Variants in EWSR1 observed in about 807,000 individuals in gnomAD.
The protein encoded by EWSR1 is RNA-binding protein EWS.
Under a neutral mutation model 92.1 loss-of-function variants are expected in EWSR1, and 14 were observed. That is an observed-to-expected ratio of 0.15 (90% CI 0.10 to 0.24). EWSR1 has a LOEUF of 0.24. EWSR1 is among the 10% of genes least tolerant of loss of function. The probability of loss-of-function intolerance (pLI) is 1.00; values close to 1 mark genes in which losing one functional copy is unlikely to be tolerated. For missense variants in EWSR1, 637 were observed against 870.9 expected (o/e 0.73, Z 3.38); for synonymous variants, 303 against 292.9 (o/e 1.03, Z -0.35).
At chr22:29,299,416 C>T (rs1212714825) in intron 15 of EWSR1, 85 bp downstream of exon 15, 4 of 1,536,236 alleles carry the variant, frequency 2.6e-6, no homozygotes, top group South Asian at 1.2e-5. Context: ...ACTGCAGTTG[C>T]CCTCTGCTTA....
chr22:29,293,971 G>A (rs1006384930), intron 11 of EWSR1, among the ~76,000 whole-genome samples: 11 of 151,556 alleles, frequency 7.3e-5, no homozygotes, highest in Non-Finnish European at 4.4e-5. Context: ...TCTGCCTCCC[G>A]GGTCTCCTTG....
chr22:29,271,303 T>G (rs1315128570), intron 1 of EWSR1, among the ~76,000 whole-genome samples: 1 of 152,254 alleles, frequency 6.6e-6, no homozygotes, highest in East Asian at 1.9e-4. Flanking sequence ...TATCTAACTT[T>G]AATGCAGTAG....
intron 14 of EWSR1, 57 bp downstream of exon 14, chr22:29,298,952 C>T (rs1374772746): frequency 6.7e-7 from 1 of 1,482,598 alleles, no homozygotes; most frequent in Non-Finnish European, 9.0e-7. Context: ...CTTCCCTCAC[C>T]CCATCCCCAC....
chr22:29,299,495 GGTTT>G (rs2061168596), intron 15 of EWSR1, 100 bp from the exon 16 acceptor site: 1 of 1,494,524 alleles, frequency 6.7e-7, no homozygotes, highest in Non-Finnish European at 8.9e-7. Flanking sequence ...TGAAGTGTCT[GGTTT>G]GTTCTGCTGT....
At chr22:29,292,225 A>G in intron 10 of EWSR1, 56 bp downstream of exon 10, 1 of 1,513,880 alleles carries the variant, frequency 6.6e-7, no homozygotes, top group Non-Finnish European at 9.2e-7. Context: ...AATGGTACAG[A>G]GGTAAATGCA....
intron 1 of EWSR1, among the ~76,000 whole-genome samples, chr22:29,270,687 A>C (rs561104697): frequency 6.6e-6 from 1 of 152,336 alleles, no homozygotes; most frequent in South Asian, 2.1e-4. Context: ...TTGAACTTAC[A>C]TGACAGTGAT....
chr22:29,288,575 C>A, intron 7 of EWSR1, 31 bp from the exon 8 acceptor site: 2 of 1,582,996 alleles, frequency 1.3e-6, no homozygotes, highest in South Asian at 1.1e-5. Flanking sequence ...AAATGCTGGT[C>A]CATGGCTTAC....
intron 1 of EWSR1, chr22:29,269,376 C>T (rs560041333): frequency 6.6e-6 from 1 of 152,328 alleles, no homozygotes; most frequent in East Asian, 1.9e-4. Context: ...TTGGGAACTC[C>T]AAAATGGGAG....
At chr22:29,271,143 T>C (rs188560163) in intron 1 of EWSR1, among the ~76,000 whole-genome samples, 1 of 152,204 alleles carries the variant, frequency 6.6e-6, no homozygotes, top group Non-Finnish European at 1.5e-5. Flanking sequence ...GGGACTACTT[T>C]CTGATTGGAA....
intron 10 of EWSR1, 22 bp from the exon 11 acceptor site, chr22:29,292,463 TCTC>T: frequency 6.8e-7 from 1 of 1,463,020 alleles, no homozygotes. Context: ...TGATAATAAT[TCTC>T]CTGTCTTGTT....
intron 8 of EWSR1, chr22:29,289,407 A>G (rs2060280952): frequency 4.3e-6 from 1 of 231,296 alleles, no homozygotes; most frequent in South Asian, 1.8e-4. Flanking sequence ...GAAAGTCTAA[A>G]TCGGTTTGAC....
intron 2 of EWSR1, 23 bp from the exon 3 acceptor site, chr22:29,272,357 T>C: frequency 6.2e-7 from 1 of 1,614,016 alleles, no homozygotes; most frequent in Non-Finnish European, 8.5e-7. Context: ...CTATTCAAGT[T>C]ATTGCATTTA....
At chr22:29,274,296 G>T (rs1235910432) in intron 4 of EWSR1, 7 of 1,613,488 alleles carry the variant, frequency 4.3e-6, no homozygotes, top group Non-Finnish European at 5.9e-6. Context: ...TGACTATCCT[G>T]CTCATTCTTG....
chr22:29,274,281 A>G (rs1036072591), intron 4 of EWSR1: 4 of 1,613,872 alleles, frequency 2.5e-6, no homozygotes, highest in Non-Finnish European at 3.4e-6. Flanking sequence ...GGACCAGTAC[A>G]GGTTTGACTA....
At chr22:29,269,017 C>G (rs2058408162) in intron 1 of EWSR1, among the ~76,000 whole-genome samples, 1 of 152,194 alleles carries the variant, frequency 6.6e-6, no homozygotes, top group African/African-American at 2.4e-5. Flanking sequence ...TTGCCGCTTT[C>G]TTGGGCTTCT....
chr22:29,298,723 CTTG>C lies in EWSR1; in HGVS notation c.1418-5_1418-3del, dbSNP rs781122369. 9.3e-5 allele frequency: 150 copies of C among 1,612,742 alleles called. No individual in the cohort carries two copies. The highest frequency in any genetic ancestry group is 1.7e-4 in the African/African-American group (13 of 74,852). On this transcript the variant is annotated splice_polypyrimidine_tract_variant and splice_region_variant and intron_variant, in intron 13 of 16. Coordinates refer to ENST00000397938, the MANE Select transcript of EWSR1 (RefSeq NM_005243.4). ...AAATGATTTGCTGTTTCTTGTTGTT[CTTG>C]TTGTAGGTCCAGGAGGCCCAGGAGG... is the stretch of plus-strand genomic sequence containing the variant.
intron 1 of EWSR1, among the ~76,000 whole-genome samples, chr22:29,270,518 G>A (rs2058587405): frequency 6.6e-6 from 1 of 152,190 alleles, no homozygotes; most frequent in Non-Finnish European, 1.5e-5. Context: ...ATAAATGTAA[G>A]TTCATGAAAC....
rs1039278573 is a variant in EWSR1, at chr22:29,292,950, G to A, written c.1164+344G>A. Among the ~76,000 whole-genome samples the A allele has an allele frequency of 6.1e-4, 93 of 151,716 alleles. 2 individuals carry two copies. The highest frequency in any genetic ancestry group is 5.8e-3 in the Admixed American group (89 of 15,218). On this transcript the variant is annotated intron_variant, in intron 11 of 16. Coordinates refer to ENST00000397938, the MANE Select transcript of EWSR1 (RefSeq NM_005243.4). ...TTTTTAGTAAAGATGGGGTTTCACC[G>A]TGTTGGGCAGGCGGGTCTCAAACTC...
At chr22:29,276,869 C>G (rs1267683062) in intron 4 of EWSR1, 2 of 231,040 alleles carry the variant, frequency 8.7e-6, no homozygotes, top group Non-Finnish European at 1.7e-5. Flanking sequence ...CCAGGGTGGT[C>G]TCTAACTCCT....
Sources: allele counts gnomAD v4.1 joint callset (sites outside exome capture counted in the v4.1 genomes callset), GRCh38; gene constraint gnomAD v4.1.1; transcripts MANE v1.5; gene names NCBI Gene and HGNC (gene_info 2026-07-23, HGNC 2026-07-21).